Variants in SLC39A8 observed in about 807,000 individuals in gnomAD.
SLC39A8 encodes metal cation symporter ZIP8.
SLC39A8 carries 15 observed loss-of-function variants against 40.4 expected under a neutral mutation model. That is an observed-to-expected ratio of 0.37 (90% CI 0.25 to 0.57). The LOEUF is 0.57. Among genes scored for constraint, SLC39A8 ranks in the 20% least tolerant of loss-of-function variants. The probability of loss-of-function intolerance (pLI) is 0.75; values close to 1 mark genes in which losing one functional copy is unlikely to be tolerated. For synonymous variants in SLC39A8, 223 were observed against 221.6 expected, an observed-to-expected ratio of 1.01 and a Z score of -0.06; for missense variants, 472 against 558.8, an observed-to-expected ratio of 0.84 and a Z score of 1.57.
At chr4:102,295,233 G>C (rs1733633712) in intron 6 of SLC39A8, among the ~76,000 whole-genome samples, 1 of 149,938 alleles carries the variant, frequency 6.7e-6, no homozygotes, top group African/African-American at 2.4e-5. Context: ...AAACCTAAAA[G>C]TCTACAGATT....
rs773078872 is a variant in SLC39A8, at chr4:102,270,357, G to C, written c.841-2278C>G. On this transcript the variant is annotated intron_variant, in intron 6 of 8. Coordinates refer to ENST00000356736, the MANE Select transcript of SLC39A8 (RefSeq NM_001135146.2). ...TCATGCTTTGGTCCCAAATGATACTGTTGAGCAGGTAAGAGTTATACATTT... is the reference window on the plus strand; with the variant it reads ...TCATGCTTTGGTCCCAAATGATACTCTTGAGCAGGTAAGAGTTATACATTT... 4.3e-4 allele frequency among the ~76,000 whole-genome samples: 66 copies of C among 152,156 alleles called. 1 individual carries two copies. Among genetic ancestry groups the C allele is most frequent in the Non-Finnish European group, 3.7e-4 (25 of 68,018 alleles).
intron 2 of SLC39A8, 90 bp downstream of exon 2, chr4:102,344,354 G>A: frequency 1.1e-6 from 1 of 887,488 alleles, no homozygotes; most frequent in Non-Finnish European, 1.6e-6. Context: ...TCTTTCTCCT[G>A]CACTTTTCCC....
intron 2 of SLC39A8, among the ~76,000 whole-genome samples, chr4:102,327,879 G>A (rs1735286228): frequency 6.6e-6 from 1 of 152,138 alleles, no homozygotes; most frequent in Non-Finnish European, 1.5e-5. Flanking sequence ...CTCTGAGGAG[G>A]CAAATATTCC....
rs369210016 is a variant in SLC39A8, at chr4:102,313,418, ATTG to A, written c.382+2247_382+2249del. On this transcript the variant is annotated intron_variant, in intron 3 of 8. Coordinates refer to ENST00000356736, the MANE Select transcript of SLC39A8 (RefSeq NM_001135146.2). Reference sequence around the variant, plus strand: ...GGCTATCATCATTGTTATTTTTGTCATTGTTGTTGTTATTTCTTTTATTCATAT... The same window carrying A: ...GGCTATCATCATTGTTATTTTTGTCATTGTTGTTATTTCTTTTATTCATAT... Among the ~76,000 whole-genome samples, 1,033 of 152,220 alleles carry A rather than the reference ATTG, an allele frequency of 6.8e-3. 11 individuals carry two copies. Among genetic ancestry groups the A allele is most frequent in the African/African-American group, 0.023 (965 of 41,560 alleles).
At chr4:102,328,822 G>A (rs755397622) in intron 2 of SLC39A8, among the ~76,000 whole-genome samples, 35 of 152,116 alleles carry the variant, frequency 2.3e-4, no homozygotes, top group Admixed American at 4.6e-4. Context: ...TCAGGAGATC[G>A]AGACCATCCT....
chr4:102,288,361 G>A (rs1216438259), intron 6 of SLC39A8, among the ~76,000 whole-genome samples: 1 of 151,922 alleles, frequency 6.6e-6, no homozygotes, highest in South Asian at 2.1e-4. Flanking sequence ...TGACTGCTCC[G>A]GTGACCAGCC....
intron 2 of SLC39A8, among the ~76,000 whole-genome samples, chr4:102,338,280 G>A (rs550071035): frequency 2.9e-4 from 43 of 150,286 alleles, no homozygotes; most frequent in Admixed American, 1.5e-3. Flanking sequence ...TCTGCCTCCC[G>A]GGTTCACGCC....
chr4:102,338,755 G>A (rs941539710), intron 2 of SLC39A8, among the ~76,000 whole-genome samples: 3 of 152,124 alleles, frequency 2.0e-5, no homozygotes, highest in African/African-American at 4.8e-5. Context: ...ACTTCGTGAC[G>A]TTGGTCCAGT....
intron 3 of SLC39A8, among the ~76,000 whole-genome samples, chr4:102,314,601 G>T (rs569433798): frequency 6.6e-6 from 1 of 152,136 alleles, no homozygotes; most frequent in East Asian, 1.9e-4. Flanking sequence ...CTCATGCCAA[G>T]CTCATTGCCA....
rs115313904 is a variant in SLC39A8, at chr4:102,338,750, G to A, written c.219+5694C>T. Among the ~76,000 whole-genome samples, 944 of 152,224 alleles carry A rather than the reference G, an allele frequency of 6.2e-3. 10 individuals are homozygous for A. Among genetic ancestry groups the A allele is most frequent in the African/African-American group, 0.021 (891 of 41,528 alleles). On this transcript the variant is annotated intron_variant, in intron 2 of 8. Transcript: ENST00000356736. ...TGCCTGAGGTTCTACCACTTACTTC[G>A]TGACGTTGGTCCAGTTACTTAACCT...
chr4:102,305,144 C>T (rs763676873), intron 4 of SLC39A8, 33 bp from the exon 5 acceptor site: 4 of 1,590,882 alleles, frequency 2.5e-6, no homozygotes, highest in South Asian at 2.3e-5. Flanking sequence ...TCAAGTAAAA[C>T]CAAGAAATTT....
At chr4:102,273,031 C>T (rs1732442296) in intron 6 of SLC39A8, among the ~76,000 whole-genome samples, 1 of 152,192 alleles carries the variant, frequency 6.6e-6, no homozygotes. Context: ...TTTGGGCAGA[C>T]ACCAAGCGAG....
intron 2 of SLC39A8, among the ~76,000 whole-genome samples, chr4:102,331,394 C>T (rs370397356): frequency 1.3e-4 from 20 of 152,258 alleles, no homozygotes; most frequent in East Asian, 5.8e-4. Flanking sequence ...AGAGCCAAAT[C>T]GTGAGTGAAC....
intron 6 of SLC39A8, among the ~76,000 whole-genome samples, chr4:102,294,624 T>TTAA (rs1211582357): frequency 9.9e-5 from 15 of 152,014 alleles, no homozygotes; most frequent in African/African-American, 3.4e-4. Flanking sequence ...TGTCTTTACT[T>TTAA]TATTTAGAGT....
intron 5 of SLC39A8, 95 bp from the exon 6 acceptor site, chr4:102,304,576 G>T: frequency 2.0e-6 from 2 of 1,006,040 alleles, no homozygotes. Context: ...TTTATAAGAG[G>T]AAAATTGTAT....
intron 6 of SLC39A8, among the ~76,000 whole-genome samples, chr4:102,296,410 C>T (rs957924405): frequency 5.9e-5 from 9 of 151,872 alleles, no homozygotes; most frequent in Non-Finnish European, 7.4e-5. Flanking sequence ...TGAAGTGATG[C>T]GACTTGATGA....
chr4:102,257,474 T>A (rs115406492), downstream of SLC39A8, among the ~76,000 whole-genome samples: 1,368 of 152,312 alleles, frequency 9.0e-3, 14 homozygotes, highest in African/African-American at 0.031. Context: ...AGAGAAGGCC[T>A]TCTTGGGCAA....
intron 2 of SLC39A8, among the ~76,000 whole-genome samples, chr4:102,325,409 A>G (rs1012828876): frequency 1.4e-5 from 2 of 148,112 alleles, no homozygotes; most frequent in Admixed American, 6.7e-5. Flanking sequence ...ACTCACACTC[A>G]TATACACACA....
At position 102,269,824 on chromosome 4, in the gene SLC39A8, C is replaced by CT. The variant is rs1732264149; in HGVS notation, c.841-1746dup. On this transcript the variant is annotated intron_variant, in intron 6 of 8. Coordinates refer to ENST00000356736, the MANE Select transcript of SLC39A8 (RefSeq NM_001135146.2). ...ATGCAACATTGAGTAAGTATCAAAT[C>CT]TTTTTTATTTTAAGAAACAAAGCTT... 10 of 152,260 alleles carry CT rather than the reference C, an allele frequency of 6.6e-5. 1 individual carries two copies. The South Asian group carries it at 2.1e-3, about 32-fold the overall frequency. The allele number at this position is 152,260 out of a possible 1,614,324, so 9.4% of individuals were successfully genotyped here.
Sources: allele counts gnomAD v4.1 joint callset (sites outside exome capture counted in the v4.1 genomes callset), GRCh38; gene constraint gnomAD v4.1.1; transcripts MANE v1.5; gene names NCBI Gene and HGNC (gene_info 2026-07-23, HGNC 2026-07-21).